UBE2G1: variants seen among roughly 807,000 people sequenced by gnomAD.
UBE2G1 encodes ubiquitin-conjugating enzyme E2 G1.
A neutral mutation model predicts 22.7 loss-of-function variants in UBE2G1; 5 were observed. The observed-to-expected ratio is 0.22, with a 90% confidence interval of 0.12 to 0.46. UBE2G1 has a LOEUF of 0.46. Among genes scored for constraint, UBE2G1 ranks in the 20% least tolerant of loss-of-function variants. The pLI, the probability that UBE2G1 is intolerant of heterozygous loss-of-function variation, is 0.99. For missense variants in UBE2G1, 88 were observed against 203.9 expected (o/e 0.43, Z 3.46); for synonymous variants, 74 against 67.5 (o/e 1.10, Z -0.47).
intron 1 of UBE2G1, among the ~76,000 whole-genome samples, chr17:4,318,951 G>A (rs1215609913): frequency 2.6e-5 from 4 of 152,018 alleles, no homozygotes; most frequent in Admixed American, 2.6e-4. Flanking sequence ...TTTTAAAGAA[G>A]ACCAGAAAGA....
chr17:4,306,969 T>A (rs1969255638), intron 2 of UBE2G1, 52 bp downstream of exon 2: 2 of 1,522,194 alleles, frequency 1.3e-6, no homozygotes, highest in Non-Finnish European at 1.8e-6. Flanking sequence ...AGTTTTTAAT[T>A]CAGTGTATTA....
chr17:4,358,952 CAA>C (rs1227390031), intron 1 of UBE2G1, among the ~76,000 whole-genome samples: 1 of 148,036 alleles, frequency 6.8e-6, no homozygotes, highest in African/African-American at 2.5e-5. Context: ...AACTCCATCT[CAA>C]AAAAATAAAA....
intron 1 of UBE2G1, among the ~76,000 whole-genome samples, chr17:4,321,649 T>C (rs938232827): frequency 2.0e-5 from 3 of 152,186 alleles, no homozygotes; most frequent in East Asian, 1.9e-4. Context: ...CAAACCACCA[T>C]GTCTGTCTTT....
At chr17:4,277,387 TA>T (rs1423801849) in intron 5 of UBE2G1, among the ~76,000 whole-genome samples, 4 of 152,324 alleles carry the variant, frequency 2.6e-5, no homozygotes, top group Admixed American at 2.0e-4. Context: ...AAAGAACCAA[TA>T]CAGTCCCTCT....
At chr17:4,284,209 T>C (rs1968930979) in intron 4 of UBE2G1, among the ~76,000 whole-genome samples, 1 of 150,388 alleles carries the variant, frequency 6.6e-6, no homozygotes, top group Non-Finnish European at 1.5e-5. Flanking sequence ...TGAAAGTCTG[T>C]ATACTCAACA....
At chr17:4,362,893 T>G (rs577576987) in intron 1 of UBE2G1, among the ~76,000 whole-genome samples, 4 of 151,950 alleles carry the variant, frequency 2.6e-5, no homozygotes, top group Non-Finnish European at 5.9e-5. Flanking sequence ...GAGGCCGAGG[T>G]GGGTGGATCA....
At chr17:4,359,858 A>AG (rs1461761594) in intron 1 of UBE2G1, among the ~76,000 whole-genome samples, 1 of 150,376 alleles carries the variant, frequency 6.6e-6, no homozygotes, top group Non-Finnish European at 1.5e-5. Flanking sequence ...TCTCAAAAAA[A>AG]AAAAAAAAAC....
intron 1 of UBE2G1, among the ~76,000 whole-genome samples, chr17:4,329,350 G>T (rs1213151170): frequency 6.6e-6 from 1 of 151,796 alleles, no homozygotes; most frequent in Non-Finnish European, 1.5e-5. Flanking sequence ...AGTGAGCAGA[G>T]ATCGCACCAT....
chr17:4,286,319 C>A (rs1400964263), intron 4 of UBE2G1, among the ~76,000 whole-genome samples: 1 of 151,036 alleles, frequency 6.6e-6, no homozygotes, highest in African/African-American at 2.4e-5. Context: ...GCAGGAGAAT[C>A]ACTTGAACCC....
At chr17:4,365,900 G>T (rs1338593160) in intron 1 of UBE2G1, among the ~76,000 whole-genome samples, 2 of 152,090 alleles carry the variant, frequency 1.3e-5, no homozygotes, top group South Asian at 4.1e-4. Context: ...CCGAAGGTCC[G>T]GCGGCCCCGG....
chr17:4,288,515 C>T (rs1416800020), intron 4 of UBE2G1, among the ~76,000 whole-genome samples: 3 of 152,128 alleles, frequency 2.0e-5, no homozygotes, highest in Admixed American at 6.6e-5. Flanking sequence ...TGTGAGCCAC[C>T]GTGCCCAGCC....
chr17:4,308,699 G>A (rs1391326463), intron 1 of UBE2G1, among the ~76,000 whole-genome samples: 2 of 152,220 alleles, frequency 1.3e-5, no homozygotes, highest in Non-Finnish European at 2.9e-5. Context: ...TGTGGACAAA[G>A]AACACACAGG....
chr17:4,295,997 T>C (rs999662621), intron 3 of UBE2G1, among the ~76,000 whole-genome samples: 7 of 150,134 alleles, frequency 4.7e-5, no homozygotes, highest in Admixed American at 2.7e-4. Context: ...CCAGTAATCT[T>C]ACACCTATGA....
chr17:4,302,364 C>T (rs966146938), intron 2 of UBE2G1: 5 of 484,864 alleles, frequency 1.0e-5, no homozygotes, highest in Non-Finnish European at 2.1e-5. Flanking sequence ...GATGTGGAGC[C>T]CTTGGGTTGC....
At chr17:4,306,850 C>T (rs1417631898) in intron 2 of UBE2G1, among the ~76,000 whole-genome samples, 171 bp downstream of exon 2, 1 of 152,162 alleles carries the variant, frequency 6.6e-6, no homozygotes, top group African/African-American at 2.4e-5. Context: ...TGGGGTTTCA[C>T]TACATTGGCC....
chr17:4,290,427 G>A (rs2143699013), intron 3 of UBE2G1, among the ~76,000 whole-genome samples: 1 of 152,198 alleles, frequency 6.6e-6, no homozygotes, highest in East Asian at 1.9e-4. Context: ...CAATATCATT[G>A]CTCTCTTAAT....
chr17:4,326,415 AAC>A (rs1258102457), intron 1 of UBE2G1, among the ~76,000 whole-genome samples: 2 of 152,324 alleles, frequency 1.3e-5, no homozygotes, highest in South Asian at 2.1e-4. Flanking sequence ...ATTGCTATTA[AAC>A]ACACACACAG....
intron 1 of UBE2G1, among the ~76,000 whole-genome samples, chr17:4,361,091 T>G (rs1567532268): frequency 6.9e-6 from 1 of 145,502 alleles, no homozygotes; most frequent in East Asian, 2.1e-4. Context: ...GGCGTGGTGG[T>G]GGACACCTGT....
At chr17:4,307,735 AGAG>A (rs1313251568) in intron 1 of UBE2G1, among the ~76,000 whole-genome samples, 9 of 152,314 alleles carry the variant, frequency 5.9e-5, no homozygotes, top group African/African-American at 1.9e-4. Context: ...CTTCTGGGAC[AGAG>A]GAGCAGCTTA....
Sources: allele counts gnomAD v4.1 joint callset (sites outside exome capture counted in the v4.1 genomes callset), GRCh38; gene constraint gnomAD v4.1.1; transcripts MANE v1.5; gene names NCBI Gene and HGNC (gene_info 2026-07-23, HGNC 2026-07-21).